Variants in PATJ observed in about 807,000 individuals in gnomAD.
PATJ encodes PATJ crumbs cell polarity complex component, also known as inaD-like protein.
A neutral mutation model predicts 224.9 loss-of-function variants in PATJ; 190 were observed. The observed-to-expected ratio is 0.84, with a 90% CI of 0.75 to 0.95. PATJ has a LOEUF of 0.95. Among genes scored for constraint, PATJ ranks in the 40% least tolerant of loss-of-function variants. The pLI, the probability that PATJ is intolerant of heterozygous loss-of-function variation, is 0.00. For missense variants in PATJ, 2,121 were observed against 2,270.3 expected (o/e 0.93, Z 1.34); for synonymous variants, 769 against 820.3 (o/e 0.94, Z 1.07).
chr1:62,010,952 C>A (rs1224154286), intron 28 of PATJ, among the ~76,000 whole-genome samples: 5 of 152,166 alleles, frequency 3.3e-5, no homozygotes, highest in Non-Finnish European at 5.9e-5. Flanking sequence ...TGAGACTCCT[C>A]GCCTTAAACC....
At chr1:61,914,690 A>G (rs747997550) in intron 26 of PATJ, 26 bp downstream of exon 26, 2 of 1,427,964 alleles carry the variant, frequency 1.4e-6, no homozygotes, top group Non-Finnish European at 1.9e-6. Flanking sequence ...CAAGGATTTA[A>G]AAAATGTTTT....
rs1558046832 is a variant in PATJ at position 62,017,903 on chromosome 1, CATT to C, written c.3920_3922del (p.Ile1307del). On this transcript the variant is annotated inframe_deletion, in exon 29 of 44. Transcript: ENST00000642238. ...GAAGAAGTCACCAAAATGCATCTGC[CATT>C]ATTAAGACTGCCCCATCAAAGGTCA... 1.9e-6 allele frequency: 3 copies of C among 1,612,468 alleles called. No individual in the cohort carries two copies. The highest frequency in any genetic ancestry group is 2.5e-6 in the Non-Finnish European group (3 of 1,178,698).
At chr1:61,835,648 C>G (rs1243328506) in intron 17 of PATJ, among the ~76,000 whole-genome samples, 1 of 152,112 alleles carries the variant, frequency 6.6e-6, no homozygotes, top group Non-Finnish European at 1.5e-5. Context: ...AAGTGATTCC[C>G]CTGCCTCAGC....
chr1:62,068,428 G>C (rs1254795354), intron 31 of PATJ, among the ~76,000 whole-genome samples: 1 of 152,184 alleles, frequency 6.6e-6, no homozygotes, highest in African/African-American at 2.4e-5. Context: ...GGTTCTCTCT[G>C]TTTATCTGAC....
At chr1:62,152,388 C>T (rs1668717137) in intron 42 of PATJ, among the ~76,000 whole-genome samples, 1 of 144,564 alleles carries the variant, frequency 6.9e-6, no homozygotes, top group African/African-American at 2.5e-5. Context: ...AGTGCGGCAG[C>T]TCACGCCTGG....
At chr1:61,768,476 T>A (rs527411704) in intron 4 of PATJ, among the ~76,000 whole-genome samples, 9 of 150,312 alleles carry the variant, frequency 6.0e-5, no homozygotes, top group South Asian at 2.1e-4. Flanking sequence ...TCTCAAAAAA[T>A]AAATAAATAA....
intron 34 of PATJ, among the ~76,000 whole-genome samples, chr1:62,113,454 T>C (rs1266415879): frequency 2.0e-5 from 3 of 152,110 alleles, no homozygotes; most frequent in Non-Finnish European, 2.9e-5. Context: ...CTGGGCAATA[T>C]GGCAAGACCT....
chr1:61,959,158 A>G (rs1680860896), intron 27 of PATJ, among the ~76,000 whole-genome samples: 1 of 152,102 alleles, frequency 6.6e-6, no homozygotes, highest in East Asian at 1.9e-4. Context: ...AAATCATGAA[A>G]GGTAGGATGA....
At chr1:62,136,984 T>C (rs1012680117) in intron 41 of PATJ, among the ~76,000 whole-genome samples, 1 of 152,188 alleles carries the variant, frequency 6.6e-6, no homozygotes, top group Non-Finnish European at 1.5e-5. Context: ...CTCAAGCTTT[T>C]ATGCATTGTA....
chr1:61,966,043 A>G (rs577764154), intron 27 of PATJ, among the ~76,000 whole-genome samples: 9 of 152,296 alleles, frequency 5.9e-5, no homozygotes, highest in African/African-American at 2.2e-4. Context: ...CTGGGACTAT[A>G]GGCACATGCC....
chr1:61,747,992 T>G (rs1345663393), intron 1 of PATJ, among the ~76,000 whole-genome samples: 1 of 152,230 alleles, frequency 6.6e-6, no homozygotes, highest in Non-Finnish European at 1.5e-5. Flanking sequence ...GTGATTCTCG[T>G]GCCTCAGTCT....
intron 27 of PATJ, among the ~76,000 whole-genome samples, chr1:61,951,177 T>TAA (rs533610349): frequency 2.6e-4 from 36 of 136,774 alleles, no homozygotes; most frequent in Admixed American, 1.4e-3. Flanking sequence ...CAACTCTGTC[T>TAA]AAAAAAAAAA....
rs183991989 is a variant in PATJ, at chr1:62,159,865, C to A, written c.5503-1043C>A. ...AGCAGGTTTTGAATATTCTTTATTGCACATTCATTTAGAAATTCCACCATT... is the reference window on the plus strand; with the variant it reads ...AGCAGGTTTTGAATATTCTTTATTGAACATTCATTTAGAAATTCCACCATT... On this transcript the variant is annotated intron_variant, in intron 43 of 43. Coordinates refer to ENST00000642238, the MANE Select transcript of PATJ (RefSeq NM_001350145.3). Among the ~76,000 whole-genome samples, 324 of 152,232 alleles carry A rather than the reference C, an allele frequency of 2.1e-3. 3 individuals carry two copies. The highest frequency in any genetic ancestry group is 7.4e-3 in the African/African-American group (308 of 41,530).
At chr1:61,966,674 G>T (rs929032734) in intron 27 of PATJ, among the ~76,000 whole-genome samples, 1 of 138,362 alleles carries the variant, frequency 7.2e-6, no homozygotes, top group African/African-American at 2.7e-5. Flanking sequence ...CGACAAGAGC[G>T]AGACTTCATC....
At chr1:62,113,122 C>G (rs953628723) in intron 34 of PATJ, among the ~76,000 whole-genome samples, 111 of 152,180 alleles carry the variant, frequency 7.3e-4, no homozygotes, top group African/African-American at 2.6e-3. Flanking sequence ...GCTATAATGT[C>G]TATTTAACAG....
chr1:61,908,709 T>G (rs533677826), intron 25 of PATJ, among the ~76,000 whole-genome samples: 17 of 152,354 alleles, frequency 1.1e-4, no homozygotes, highest in African/African-American at 4.1e-4. Context: ...AAGTTACTGC[T>G]TCTGGAATCA....
intron 25 of PATJ, among the ~76,000 whole-genome samples, chr1:61,908,753 T>C (rs913984063): frequency 6.6e-6 from 1 of 152,348 alleles, no homozygotes; most frequent in East Asian, 1.9e-4. Flanking sequence ...GATTCCTTAT[T>C]TACCAGCTTT....
At position 62,138,192 on chromosome 1, in the gene PATJ, T is replaced by C. The variant is rs181309281; in HGVS notation, c.5271+9247T>C. The stretch of plus-strand genomic sequence containing the variant: ...CATTTGGCGACTTAGGAAGTTCTAG[T>C]AACTTTAATGGTGATGCAATACCCA... On this transcript the variant is annotated intron_variant, in intron 41 of 43. Coordinates refer to ENST00000642238, the MANE Select transcript of PATJ (RefSeq NM_001350145.3). Among the ~76,000 whole-genome samples, 514 of 152,304 alleles carry C rather than the reference T, an allele frequency of 3.4e-3. 2 individuals are homozygous for C. The highest frequency in any genetic ancestry group is 0.012 in the African/African-American group (490 of 41,566).
Position 61,884,446 on chromosome 1 carries a change from T to C in PATJ, c.3131+38T>C, listed in dbSNP as rs61089534. The C allele has an allele frequency of 5.3e-3, 5,130 of 962,202 alleles. 256 individuals are homozygous for C. The East Asian group carries it at 0.11, about 21-fold the overall frequency. 59.6% of individuals were successfully genotyped at this position (962,202 alleles called of 1,614,324 possible). A position where few individuals can be genotyped will look rare whatever the true frequency, so the allele number is the denominator to read the frequency against. On this transcript the variant is annotated intron_variant, in intron 22 of 43. Transcript: ENST00000642238. ...TTCTCTTTGTTTTCACATTATAAAA[T>C]AGTGGTTTTTTTTTTTTTTTTTTTT... is the stretch of plus-strand genomic sequence containing the variant.
Sources: gnomAD v4.1 joint callset for allele counts (sites outside exome capture counted in the v4.1 genomes callset) on GRCh38, gnomAD v4.1.1 for gene constraint, MANE v1.5 for transcripts, NCBI Gene and HGNC (gene_info 2026-07-23, HGNC 2026-07-21) for gene names.